Variants in PTPN3 observed in about 807,000 individuals in gnomAD.
The protein encoded by PTPN3 is protein tyrosine phosphatase non-receptor type 3, also known as tyrosine-protein phosphatase non-receptor type 3.
A neutral mutation model predicts 132.7 loss-of-function variants in PTPN3; 96 were observed. The ratio of observed to expected loss-of-function variants is 0.72; its 90% CI spans 0.61 to 0.86. PTPN3 has a LOEUF of 0.86. PTPN3 is among the 40% of genes least tolerant of loss of function. The pLI, the probability that PTPN3 is intolerant of heterozygous loss-of-function variation, is 0.00. For synonymous variants in PTPN3, 398 were observed against 429.0 expected, an observed-to-expected ratio of 0.93 and a Z score of 0.89; for missense variants, 1,125 against 1,159.6, an observed-to-expected ratio of 0.97 and a Z score of 0.43.
chr9:109,496,512 T>C (rs1402682759), intron 1 of PTPN3, among the ~76,000 whole-genome samples: 2 of 152,242 alleles, frequency 1.3e-5, no homozygotes, highest in East Asian at 1.9e-4. Context: ...AGAGCCTCCA[T>C]GTCCTCATCT....
At chr9:109,488,904 G>C (rs1355339588) in intron 1 of PTPN3, among the ~76,000 whole-genome samples, 6 of 152,162 alleles carry the variant, frequency 3.9e-5, no homozygotes, top group African/African-American at 1.4e-4. Flanking sequence ...ATCCTCTTCT[G>C]CCTGGGTCCC....
chr9:109,406,006 G>T (rs980051704), intron 18 of PTPN3, among the ~76,000 whole-genome samples: 4 of 152,196 alleles, frequency 2.6e-5, no homozygotes, highest in Admixed American at 2.6e-4. Flanking sequence ...CCCCCAGCCC[G>T]CAGAGGCAGA....
intron 25 of PTPN3, 30 bp from the exon 26 acceptor site, chr9:109,379,663 T>C (rs1326044153): frequency 1.3e-6 from 2 of 1,577,928 alleles, no homozygotes; most frequent in Non-Finnish European, 1.7e-6. Context: ...TGTCAAGTCC[T>C]GTAGCTCCAG....
chr9:109,467,783 C>T (rs753417494), intron 1 of PTPN3, among the ~76,000 whole-genome samples: 9 of 152,140 alleles, frequency 5.9e-5, no homozygotes, highest in African/African-American at 1.2e-4. Context: ...TTCATTTCAC[C>T]GTGGTTAGCA....
chr9:109,491,573 C>T (rs984940176), intron 1 of PTPN3, among the ~76,000 whole-genome samples: 1 of 152,112 alleles, frequency 6.6e-6, no homozygotes, highest in Non-Finnish European at 1.5e-5. Context: ...TGCCTTCACA[C>T]AGCTTACAGT....
chr9:109,399,098 T>C (rs1437043517), intron 19 of PTPN3, among the ~76,000 whole-genome samples: 1 of 152,184 alleles, frequency 6.6e-6, no homozygotes, highest in African/African-American at 2.4e-5. Flanking sequence ...ATGGCTAATG[T>C]TGGAGGATAG....
At chr9:109,450,192 T>C (rs1845159156) in intron 5 of PTPN3, 3 of 985,330 alleles carry the variant, frequency 3.0e-6, no homozygotes, top group Non-Finnish European at 3.6e-6. Context: ...CCACAATGTA[T>C]TGAACACCTG....
chr9:109,410,235 A>C lies in PTPN3; in HGVS notation c.1494T>G (p.Cys498Trp). 12 of 1,613,656 alleles carry C rather than the reference A, an allele frequency of 7.4e-6. No individual in the cohort carries two copies. The highest frequency in any genetic ancestry group is 1.0e-5 in the Non-Finnish European group (12 of 1,179,738). Residue 498 changes from cysteine to tryptophan, a missense_variant, in exon 15 of 26, where the codon TGT becomes TGG. Cys to Trp is a radical substitution (Grantham distance 215, BLOSUM62 -2). Coordinates refer to ENST00000374541, the MANE Select transcript of PTPN3 (RefSeq NM_002829.4). ...GSTEDASQYYCDKNDNGDSYL... is the reference protein window; with the variant it reads ...GSTEDASQYYWDKNDNGDSYL... ...GCTGCCTGCGCTCGCTCACCTTGTC[A>C]CAGTAGTACTGGCTGGCGTCCTCGG...
chr9:109,430,553 A>G (rs1295450093), intron 10 of PTPN3, among the ~76,000 whole-genome samples: 1 of 151,028 alleles, frequency 6.6e-6, no homozygotes, highest in Non-Finnish European at 1.5e-5. Flanking sequence ...GAAAAAAAAA[A>G]TGCACTGAGA....
intron 6 of PTPN3, among the ~76,000 whole-genome samples, chr9:109,447,276 T>G (rs919703914): frequency 2.0e-5 from 3 of 152,234 alleles, no homozygotes; most frequent in African/African-American, 7.2e-5. Flanking sequence ...GTTCGGTGCC[T>G]GTCTCATAAA....
intron 13 of PTPN3, 89 bp from the exon 14 acceptor site, chr9:109,420,689 C>G: frequency 1.5e-6 from 2 of 1,351,848 alleles, no homozygotes; most frequent in Non-Finnish European, 2.0e-6. Context: ...GTGTCCTGAC[C>G]TTTCTAAGGA....
chr9:109,447,493 T>TCAAGCAGAAACCTGA (rs1190572224), intron 6 of PTPN3, among the ~76,000 whole-genome samples: 1 of 152,038 alleles, frequency 6.6e-6, no homozygotes, highest in African/African-American at 2.4e-5. Flanking sequence ...TGAAGACCTG[T>TCAAGCAGAAACCTGA]AGATTGTGCT....
chr9:109,401,177 G>A (rs1208672955), intron 19 of PTPN3, among the ~76,000 whole-genome samples: 1 of 152,206 alleles, frequency 6.6e-6, no homozygotes, highest in Non-Finnish European at 1.5e-5. Context: ...AAATGTATAC[G>A]TTCTCCTTTT....
At chr9:109,449,595 C>T (rs767464318) in intron 5 of PTPN3, 17 of 985,318 alleles carry the variant, frequency 1.7e-5, no homozygotes, top group African/African-American at 3.5e-5. Context: ...GGCAGCATTG[C>T]GCAGGTCAGG....
Position 109,404,443 on chromosome 9 carries a change from C to A in PTPN3, c.1953+5G>T. 7.0e-7 allele frequency: 1 copy of A among 1,429,450 alleles called. No homozygotes were observed. The allele number at this position is 1,429,450 out of a possible 1,614,324, so 88.5% of individuals were successfully genotyped here. The stretch of plus-strand genomic sequence containing the variant: ...CAGTGGGATTCAGCCTCCAGAGGGT[C>A]TTACCTCAAACTGGATCAGCACCGT... On this transcript the variant is annotated splice_donor_5th_base_variant and intron_variant, in intron 19 of 25. Coordinates refer to ENST00000374541, the MANE Select transcript of PTPN3 (RefSeq NM_002829.4).
At chr9:109,398,279 G>A (rs560725106) in intron 19 of PTPN3, among the ~76,000 whole-genome samples, 5 of 152,126 alleles carry the variant, frequency 3.3e-5, no homozygotes, top group African/African-American at 7.2e-5. Flanking sequence ...AATGAGACTC[G>A]GTCTAAAGGG....
At chr9:109,414,997 G>A (rs1274164818) in intron 14 of PTPN3, among the ~76,000 whole-genome samples, 2 of 151,510 alleles carry the variant, frequency 1.3e-5, no homozygotes, top group African/African-American at 4.9e-5. Context: ...GTATCTCGGG[G>A]CCCCATCTAG....
At chr9:109,425,613 AG>A (rs1843199794) in intron 12 of PTPN3, among the ~76,000 whole-genome samples, 1 of 152,014 alleles carries the variant, frequency 6.6e-6, no homozygotes, top group South Asian at 2.1e-4. Flanking sequence ...TGGGAGGCTG[AG>A]GTAGGAGAAT....
chr9:109,447,496 AT>A (rs1019566229), intron 6 of PTPN3, among the ~76,000 whole-genome samples: 2 of 152,000 alleles, frequency 1.3e-5, no homozygotes, highest in Non-Finnish European at 2.9e-5. Flanking sequence ...AGACCTGTAG[AT>A]TGTGCTGGGG....
Sources: gnomAD v4.1 joint callset for allele counts (sites outside exome capture counted in the v4.1 genomes callset) on GRCh38, gnomAD v4.1.1 for gene constraint, MANE v1.5 for transcripts, NCBI Gene and HGNC (gene_info 2026-07-23, HGNC 2026-07-21) for gene names.